The following SUMF1 variants were observed in gnomAD, a reference collection of about 807,000 sequenced individuals.
SUMF1 encodes formylglycine-generating enzyme.
SUMF1 carries 48 observed loss-of-function variants against 47.6 expected under a neutral mutation model. The ratio of observed to expected loss-of-function variants is 1.01; its 90% confidence interval spans 0.80 to 1.28. The LOEUF (loss-of-function observed/expected upper bound fraction) is 1.28. SUMF1 is among the 50% of genes most tolerant of loss of function. The probability of loss-of-function intolerance (pLI) is 0.00; values close to 1 mark genes in which losing one functional copy is unlikely to be tolerated. For synonymous variants in SUMF1, 230 were observed against 192.1 expected (o/e 1.20, Z -1.63); for missense variants, 571 against 485.4 (o/e 1.18, Z -1.66).
intron 9 of SUMF1, among the ~76,000 whole-genome samples, chr3:4,060,491 G>A (rs896876764): frequency 1.3e-5 from 2 of 152,062 alleles, no homozygotes; most frequent in Admixed American, 6.6e-5. Context: ...GAATTTTTTG[G>A]ACTTTTGAAA....
intron 1 of SUMF1, among the ~76,000 whole-genome samples, chr3:4,462,494 G>A (rs1319007287): frequency 6.6e-6 from 1 of 152,170 alleles, no homozygotes; most frequent in African/African-American, 2.4e-5. Flanking sequence ...CCAACTAGGG[G>A]AGCTATAAAT....
chr3:4,191,306 G>A (rs532583463), intron 8 of SUMF1, among the ~76,000 whole-genome samples: 2 of 152,218 alleles, frequency 1.3e-5, no homozygotes, highest in East Asian at 1.9e-4. Flanking sequence ...TACTCACACA[G>A]CAAGCCACAC....
chr3:4,389,619 C>A (rs764243804), intron 7 of SUMF1, among the ~76,000 whole-genome samples: 1 of 152,146 alleles, frequency 6.6e-6, no homozygotes, highest in South Asian at 2.1e-4. Flanking sequence ...GTTATAATCA[C>A]GTAGATCCTT....
chr3:4,340,080 A>AAC (rs369984316), intron 8 of SUMF1, among the ~76,000 whole-genome samples: 4 of 149,856 alleles, frequency 2.7e-5, no homozygotes, highest in Non-Finnish European at 4.4e-5. Context: ...CTTGTCTCAA[A>AAC]ACACACACAC....
At chr3:4,072,491 T>A (rs534736235) in intron 8 of SUMF1, among the ~76,000 whole-genome samples, 1 of 152,270 alleles carries the variant, frequency 6.6e-6, no homozygotes, top group South Asian at 2.1e-4. Flanking sequence ...GTTTGACAAG[T>A]TGACAGAAGT....
At chr3:4,271,418 T>G (rs1206483932) in intron 8 of SUMF1, among the ~76,000 whole-genome samples, 1 of 152,120 alleles carries the variant, frequency 6.6e-6, no homozygotes, top group African/African-American at 2.4e-5. Context: ...TGAGGTATCC[T>G]TGACTGAATG....
At chr3:4,400,439 G>C (rs890053761) in intron 7 of SUMF1, among the ~76,000 whole-genome samples, 1 of 152,186 alleles carries the variant, frequency 6.6e-6, no homozygotes, top group Non-Finnish European at 1.5e-5. Context: ...AAATTCTCTG[G>C]AGGCAAGGAC....
At chr3:4,450,296 T>C (rs563081819) in intron 2 of SUMF1, among the ~76,000 whole-genome samples, 2 of 152,326 alleles carry the variant, frequency 1.3e-5, no homozygotes, top group Non-Finnish European at 2.9e-5. Flanking sequence ...TCTCATCAAA[T>C]TAACTATAGC....
At chr3:4,164,477 T>C (rs1425290302) in intron 8 of SUMF1, among the ~76,000 whole-genome samples, 1 of 152,168 alleles carries the variant, frequency 6.6e-6, no homozygotes, top group African/African-American at 2.4e-5. Flanking sequence ...CTTCCAGTGA[T>C]TGCCTTGGCA....
intron 8 of SUMF1, among the ~76,000 whole-genome samples, chr3:4,101,074 A>G (rs1336328341): frequency 1.3e-5 from 2 of 152,062 alleles, no homozygotes; most frequent in African/African-American, 4.8e-5. Context: ...ATTCATATAA[A>G]CAGTATGGGG....
At chr3:4,076,394 G>C (rs1308244055) in intron 8 of SUMF1, among the ~76,000 whole-genome samples, 2 of 152,012 alleles carry the variant, frequency 1.3e-5, no homozygotes, top group Non-Finnish European at 2.9e-5. Context: ...GAAAACCCTA[G>C]AAGAAAACCT....
rs112397195 is a variant in SUMF1, at chr3:4,410,754, A to G, written c.954+111T>C. ...GTGCCTTTAGGGAAATCCCAAGATT[A>G]ATTTCCAGAGTATGTAAATACCCCT... is the stretch of plus-strand genomic sequence containing the variant. On this transcript the variant is annotated intron_variant, in intron 7 of 8. Coordinates refer to ENST00000272902, the MANE Select transcript of SUMF1 (RefSeq NM_182760.4). The G allele has an allele frequency of 1.2e-3, 1,187 of 952,654 alleles. 8 individuals carry two copies. In the African/African-American group the frequency reaches 0.016, roughly 13 times the overall value. 59.0% of individuals were successfully genotyped at this position (952,654 alleles called of 1,614,324 possible).
chr3:4,212,966 G>T (rs1695831968), intron 8 of SUMF1, among the ~76,000 whole-genome samples: 1 of 152,124 alleles, frequency 6.6e-6, no homozygotes, highest in Non-Finnish European at 1.5e-5. Flanking sequence ...AGGGAGAATG[G>T]AACCAAGTTG....
Position 4,240,826 on chromosome 3 carries a change from A to G in SUMF1, c.1014+135504T>C, listed in dbSNP as rs544059074. Among the ~76,000 whole-genome samples the G allele has an allele frequency of 1.5e-3, 225 of 151,886 alleles. 1 individual carries two copies. The highest frequency in any genetic ancestry group is 3.1e-3 in the Admixed American group (48 of 15,242). On this transcript the variant is annotated intron_variant and NMD_transcript_variant, in intron 8 of 12. Coordinates refer to the SUMF1 transcript ENST00000448413. The stretch of plus-strand genomic sequence containing the variant: ...ATTTTATTTTTATATGTTTTTATAT[A>G]ATATGTATTCATTTTATAATCAGAA...
At chr3:4,403,078 T>C (rs535830348) in intron 7 of SUMF1, among the ~76,000 whole-genome samples, 19 of 152,346 alleles carry the variant, frequency 1.2e-4, no homozygotes, top group African/African-American at 4.6e-4. Context: ...AGCTACCATG[T>C]ATCCCATGCT....
intron 8 of SUMF1, chr3:4,068,765 G>A: frequency 2.9e-6 from 1 of 343,280 alleles, no homozygotes. Flanking sequence ...ATAAGAAGAA[G>A]AAGAAGAAGA....
intron 3 of SUMF1, among the ~76,000 whole-genome samples, chr3:4,433,509 G>A (rs1332939096): frequency 6.6e-6 from 1 of 152,162 alleles, no homozygotes; most frequent in East Asian, 1.9e-4. Flanking sequence ...AAAAGACAGT[G>A]TTACCTTCTT....
intron 8 of SUMF1, among the ~76,000 whole-genome samples, chr3:4,159,882 C>G (rs1466285067): frequency 6.6e-6 from 1 of 152,130 alleles, no homozygotes; most frequent in South Asian, 2.1e-4. Flanking sequence ...TCATGCCATT[C>G]TATCCTGGCC....
intron 8 of SUMF1, among the ~76,000 whole-genome samples, chr3:4,205,681 C>G (rs780116232): frequency 3.3e-5 from 5 of 152,190 alleles, no homozygotes; most frequent in Non-Finnish European, 5.9e-5. Flanking sequence ...TTTGCCAACT[C>G]ATAGAGGTAC....
Sources: allele counts gnomAD v4.1 joint callset (sites outside exome capture counted in the v4.1 genomes callset), GRCh38; gene constraint gnomAD v4.1.1; transcripts MANE v1.5; gene names NCBI Gene and HGNC (gene_info 2026-07-23, HGNC 2026-07-21).